The following RAB5A variants were observed in gnomAD, a reference collection of about 807,000 sequenced individuals.
RAB5A encodes RAB5A, member RAS oncogene family.
RAB5A carries 8 observed loss-of-function variants against 25.7 expected under a neutral mutation model. The observed-to-expected ratio is 0.31, with a 90% confidence interval of 0.18 to 0.56. The LOEUF (loss-of-function observed/expected upper bound fraction) is 0.56. Among genes scored for constraint, RAB5A ranks in the 20% least tolerant of loss-of-function variants. The probability of loss-of-function intolerance (pLI) is 0.91; values close to 1 mark genes in which losing one functional copy is unlikely to be tolerated. For synonymous variants in RAB5A, 98 were observed against 89.8 expected, an observed-to-expected ratio of 1.09 and a Z score of -0.52; for missense variants, 192 against 259.7, an observed-to-expected ratio of 0.74 and a Z score of 1.79.
At position 19,984,168 on chromosome 3, in the gene RAB5A, C is replaced by G. The variant is rs1393282592; in HGVS notation, c.*345C>G. On this transcript the variant is annotated 3_prime_UTR_variant, in exon 6 of 6. Coordinates refer to ENST00000273047, the MANE Select transcript of RAB5A (RefSeq NM_004162.5). Reference sequence around the variant, plus strand: ...TTTCTCCACACTGGTACAGTAGTCACCTGTGAAAAAAAAATTGGAACTTAC... The same window carrying G: ...TTTCTCCACACTGGTACAGTAGTCAGCTGTGAAAAAAAAATTGGAACTTAC... 9.4e-6 allele frequency: 3 copies of G among 318,084 alleles called. No individual in the cohort carries two copies. Among genetic ancestry groups the G allele is most frequent in the East Asian group, 1.5e-4 (2 of 13,662 alleles). 19.7% of individuals were successfully genotyped at this position (318,084 alleles called of 1,614,324 possible).
At chr3:19,962,984 T>C (rs1696610163) in intron 2 of RAB5A, among the ~76,000 whole-genome samples, 1 of 152,120 alleles carries the variant, frequency 6.6e-6, no homozygotes, top group African/African-American at 2.4e-5. Flanking sequence ...GGCTGATTTT[T>C]AAATTTTTGT....
chr3:19,960,783 C>G (rs753168746), intron 2 of RAB5A, among the ~76,000 whole-genome samples: 8 of 152,144 alleles, frequency 5.3e-5, no homozygotes, highest in Non-Finnish European at 1.0e-4. Context: ...ATTCATCCTC[C>G]GTTTGAGGAA....
At chr3:19,970,951 CT>C (rs1319345339) in intron 2 of RAB5A, among the ~76,000 whole-genome samples, 1 of 152,134 alleles carries the variant, frequency 6.6e-6, no homozygotes, top group African/African-American at 2.4e-5. Flanking sequence ...AATCCCAGCA[CT>C]TTGGGAGGCC....
At chr3:19,957,555 C>T (rs942214057) in intron 2 of RAB5A, among the ~76,000 whole-genome samples, 3 of 151,050 alleles carry the variant, frequency 2.0e-5, no homozygotes, top group African/African-American at 7.3e-5. Flanking sequence ...TCCAGCTACT[C>T]GGGAGGCTGA....
intron 2 of RAB5A, among the ~76,000 whole-genome samples, chr3:19,956,768 T>C (rs1696508522): frequency 6.6e-6 from 1 of 152,200 alleles, no homozygotes; most frequent in Non-Finnish European, 1.5e-5. Flanking sequence ...TTTATTAAAT[T>C]ATAGCTATTA....
At chr3:19,982,967 C>T (rs895241129) in intron 5 of RAB5A, among the ~76,000 whole-genome samples, 29 of 152,188 alleles carry the variant, frequency 1.9e-4, no homozygotes, top group African/African-American at 6.5e-4. Flanking sequence ...GTCTAGAGAA[C>T]GCTGATATGA....
At chr3:19,977,754 G>A (rs546805194) in intron 4 of RAB5A, among the ~76,000 whole-genome samples, 1 of 152,176 alleles carries the variant, frequency 6.6e-6, no homozygotes, top group East Asian at 1.9e-4. Context: ...ACAGCTATGA[G>A]GATCAAAAGT....
At chr3:19,955,586 T>G (rs1335848324) in intron 2 of RAB5A, among the ~76,000 whole-genome samples, 1 of 152,054 alleles carries the variant, frequency 6.6e-6, no homozygotes, top group Non-Finnish European at 1.5e-5. Context: ...AGGTGTGGTG[T>G]TTGTCAGATT....
At chr3:19,965,903 TTTTG>T (rs1340728339) in intron 2 of RAB5A, among the ~76,000 whole-genome samples, 1 of 151,932 alleles carries the variant, frequency 6.6e-6, no homozygotes, top group East Asian at 1.9e-4. Context: ...TGTTTTGTAT[TTTTG>T]TTAGTAGAAA....
At chr3:19,970,690 A>G in intron 2 of RAB5A, 2 of 433,322 alleles carry the variant, frequency 4.6e-6, no homozygotes, top group South Asian at 1.6e-5. Flanking sequence ...GACGTTTTGG[A>G]TAAATTAAAG....
chr3:19,975,766 C>A lies in RAB5A; in HGVS notation c.315+14C>A. On this transcript the variant is annotated intron_variant, in intron 3 of 5. Coordinates refer to ENST00000273047, the MANE Select transcript of RAB5A (RefSeq NM_004162.5). Reference sequence around the variant, plus strand: ...ATCACAAATGAGGTAAGTATGGATGCATTCCACAGTAAAACTAATTTGAGT... The same window carrying A: ...ATCACAAATGAGGTAAGTATGGATGAATTCCACAGTAAAACTAATTTGAGT... 1 of 1,591,538 alleles carries A rather than the reference C, an allele frequency of 6.3e-7. No individual in the cohort carries two copies. Among genetic ancestry groups the A allele is most frequent in the South Asian group, 1.1e-5 (1 of 86,980 alleles).
intron 2 of RAB5A, 80 bp from the exon 3 acceptor site, chr3:19,975,521 A>C (rs1416087143): frequency 2.2e-6 from 3 of 1,364,994 alleles, no homozygotes; most frequent in Admixed American, 2.0e-5. Context: ...ATTTTGATAG[A>C]TGTATACAAG....
At chr3:19,950,748 TTAA>T in intron 1 of RAB5A, 55 bp from the exon 2 acceptor site, 1 of 692,970 alleles carries the variant, frequency 1.4e-6, no homozygotes, top group Non-Finnish European at 2.3e-6. Flanking sequence ...TTTAAAGTGA[TTAA>T]TAGTAAATTT....
intron 2 of RAB5A, among the ~76,000 whole-genome samples, chr3:19,970,995 A>C (rs1696741283): frequency 1.3e-5 from 2 of 152,072 alleles, no homozygotes; most frequent in South Asian, 4.1e-4. Flanking sequence ...TCAGGGGTTC[A>C]AGACCAGTCT....
At chr3:19,970,204 T>C (rs1203459634) in intron 2 of RAB5A, among the ~76,000 whole-genome samples, 5 of 152,378 alleles carry the variant, frequency 3.3e-5, no homozygotes, top group Admixed American at 3.3e-4. Context: ...CCAGCCACTT[T>C]GTTTTTTAAT....
intron 2 of RAB5A, among the ~76,000 whole-genome samples, chr3:19,958,544 T>A (rs1696538549): frequency 6.6e-6 from 1 of 152,166 alleles, no homozygotes; most frequent in Admixed American, 6.6e-5. Context: ...TATTGAACTC[T>A]AGGTAAGGAT....
In RAB5A at chr3:19,963,438, C is replaced by G. The variant is rs145214666; in HGVS notation, c.164-12163C>G. ...TTACTGAACCCAAAGGAATTTTATC[C>G]TAATAAAATTGTTTTGTAGGATCAA... On this transcript the variant is annotated intron_variant, in intron 2 of 5. Transcript: ENST00000273047. Among the ~76,000 whole-genome samples, 778 of 131,610 alleles carry G rather than the reference C, an allele frequency of 5.9e-3. 3 individuals carry two copies. Among genetic ancestry groups the G allele is most frequent in the Middle Eastern group, 9.3e-3 (2 of 214 alleles). 86.3% of individuals were successfully genotyped at this position (131,610 alleles called of 152,430 possible). A position where few individuals can be genotyped will look rare whatever the true frequency, so the allele number is the denominator to read the frequency against.
intron 2 of RAB5A, among the ~76,000 whole-genome samples, chr3:19,971,210 A>C (rs868656478): frequency 2.8e-5 from 3 of 106,304 alleles, no homozygotes. Flanking sequence ...AAAAAAAAAA[A>C]AAAAACACTA....
intron 5 of RAB5A, among the ~76,000 whole-genome samples, chr3:19,979,608 A>T (rs1696884671): frequency 6.6e-6 from 1 of 152,170 alleles, no homozygotes; most frequent in Non-Finnish European, 1.5e-5. Context: ...AACTGATGGT[A>T]ATTGCTGTTT....
Sources: gnomAD v4.1 joint callset for allele counts (sites outside exome capture counted in the v4.1 genomes callset) on GRCh38, gnomAD v4.1.1 for gene constraint, MANE v1.5 for transcripts, NCBI Gene and HGNC (gene_info 2026-07-23, HGNC 2026-07-21) for gene names.